ARHGAP15: variants seen among roughly 807,000 people sequenced by gnomAD.
ARHGAP15 encodes rho GTPase-activating protein 15.
Under a neutral mutation model 63.7 loss-of-function variants are expected in ARHGAP15, and 51 were observed. That is an observed-to-expected ratio of 0.80 (90% CI 0.64 to 1.01). The LOEUF is 1.01. ARHGAP15 is among the 50% of genes least tolerant of loss of function. ARHGAP15 has a pLI of 0.00. For missense variants in ARHGAP15, 560 were observed against 564.6 expected (o/e 0.99, Z 0.08); for synonymous variants, 191 against 193.8 (o/e 0.99, Z 0.12).
chr2:143,727,665 G>A (rs143530063), intron 13 of ARHGAP15, among the ~76,000 whole-genome samples: 2 of 152,170 alleles, frequency 1.3e-5, no homozygotes, highest in Non-Finnish European at 2.9e-5. Flanking sequence ...GAACGGGGCT[G>A]TTCTCCATGA....
chr2:143,438,013 C>A (rs1689688844), intron 8 of ARHGAP15, among the ~76,000 whole-genome samples: 1 of 152,118 alleles, frequency 6.6e-6, no homozygotes, highest in Non-Finnish European at 1.5e-5. Flanking sequence ...GGCAACAAAG[C>A]AAGACTCTGT....
At chr2:143,316,202 T>C (rs890064651) in intron 6 of ARHGAP15, among the ~76,000 whole-genome samples, 10 of 152,116 alleles carry the variant, frequency 6.6e-5, no homozygotes, top group Non-Finnish European at 2.9e-5. Context: ...CTAGTTTAGG[T>C]AGGAAATCAC....
intron 6 of ARHGAP15, among the ~76,000 whole-genome samples, chr2:143,427,160 A>G (rs575854656): frequency 2.0e-5 from 3 of 152,282 alleles, no homozygotes; most frequent in East Asian, 3.9e-4. Context: ...ACTCATAATC[A>G]TGGCCAAATA....
At chr2:143,737,541 A>T (rs1685791745) in intron 13 of ARHGAP15, among the ~76,000 whole-genome samples, 1 of 152,158 alleles carries the variant, frequency 6.6e-6, no homozygotes, top group Admixed American at 6.5e-5. Flanking sequence ...ATTCATTCCT[A>T]AGAAGAAAAT....
intron 12 of ARHGAP15, among the ~76,000 whole-genome samples, chr2:143,634,641 A>AAATT (rs1214581148): frequency 1.3e-5 from 2 of 152,120 alleles, no homozygotes; most frequent in African/African-American, 4.8e-5. Flanking sequence ...AAGCCATTTC[A>AAATT]AATTATTGTC....
chr2:143,358,520 AAATATGTAAAG>A (rs1685900041), intron 6 of ARHGAP15, among the ~76,000 whole-genome samples: 1 of 151,874 alleles, frequency 6.6e-6, no homozygotes, highest in African/African-American at 2.4e-5. Context: ...GATTGAAAGA[AAATATGTAAAG>A]TAAAAAAAAA....
intron 6 of ARHGAP15, among the ~76,000 whole-genome samples, chr2:143,304,981 T>C (rs1173407610): frequency 6.6e-6 from 1 of 152,124 alleles, no homozygotes; most frequent in Non-Finnish European, 1.5e-5. Context: ...ACTAGGTATA[T>C]ACCCAAAGGA....
intron 4 of ARHGAP15, among the ~76,000 whole-genome samples, chr2:143,224,407 T>C (rs1693123294): frequency 6.6e-6 from 1 of 152,162 alleles, no homozygotes; most frequent in African/African-American, 2.4e-5. Flanking sequence ...AAAAAATCTT[T>C]AATAATCACC....
chr2:143,239,990 C>CAAAAAAAAAAA (rs60960176), intron 5 of ARHGAP15, among the ~76,000 whole-genome samples: 4 of 26,468 alleles, frequency 1.5e-4, no homozygotes, highest in Non-Finnish European at 2.1e-4. Flanking sequence ...GACTCTGTCT[C>CAAAAAAAAAAA]AAAAAAAAAA....
chr2:143,303,409 G>A lies in ARHGAP15; in HGVS notation c.474+52809G>A, dbSNP rs1409522795. 3.3e-5 allele frequency among the ~76,000 whole-genome samples: 5 copies of A among 151,854 alleles called. No homozygotes were observed. The East Asian group carries it at 7.8e-4, about 24-fold the overall frequency. On this transcript the variant is annotated intron_variant, in intron 6 of 13. Transcript: ENST00000295095. ...GCCAAAAAATATATGAAACTGGCCA[G>A]CCATATGTAGAAAGCTGAAACTGGA...
At chr2:143,566,435 G>A (rs1193096483) in intron 11 of ARHGAP15, among the ~76,000 whole-genome samples, 5 of 152,088 alleles carry the variant, frequency 3.3e-5, no homozygotes, top group Non-Finnish European at 7.4e-5. Flanking sequence ...CAGTGACTAG[G>A]ACAAGTGACC....
At chr2:143,602,096 G>A (rs1172117332) in intron 11 of ARHGAP15, among the ~76,000 whole-genome samples, 1 of 152,032 alleles carries the variant, frequency 6.6e-6, no homozygotes, top group East Asian at 1.9e-4. Flanking sequence ...AAACAATATA[G>A]GTGGAGGTTT....
chr2:143,453,347 C>A (rs369744928), intron 8 of ARHGAP15, among the ~76,000 whole-genome samples: 6 of 151,938 alleles, frequency 3.9e-5, no homozygotes, highest in African/African-American at 1.4e-4. Flanking sequence ...GTCACTTAAC[C>A]TCACTAAGCT....
At chr2:143,483,457 A>G (rs1226842138) in intron 8 of ARHGAP15, among the ~76,000 whole-genome samples, 1 of 152,240 alleles carries the variant, frequency 6.6e-6, no homozygotes, top group South Asian at 2.1e-4. Context: ...TTGAGGTGAG[A>G]CCAGAAATCG....
chr2:143,259,990 G>A (rs1240060233), intron 6 of ARHGAP15, among the ~76,000 whole-genome samples: 2 of 152,032 alleles, frequency 1.3e-5, no homozygotes, highest in Non-Finnish European at 2.9e-5. Flanking sequence ...TTGGATCTAA[G>A]CATGAATTTT....
chr2:143,196,047 G>T (rs1691874357), intron 2 of ARHGAP15, among the ~76,000 whole-genome samples: 1 of 151,926 alleles, frequency 6.6e-6, no homozygotes, highest in Admixed American at 6.6e-5. Flanking sequence ...TCCTCTTTTT[G>T]GAGAAAAAGA....
At chr2:143,376,086 G>C (rs1686796648) in intron 6 of ARHGAP15, among the ~76,000 whole-genome samples, 1 of 152,148 alleles carries the variant, frequency 6.6e-6, no homozygotes, top group Admixed American at 6.6e-5. Flanking sequence ...CTGGTGTTTA[G>C]AATAATGACT....
chr2:143,758,374 G>A (rs1157789223), intron 13 of ARHGAP15, among the ~76,000 whole-genome samples: 1 of 151,744 alleles, frequency 6.6e-6, no homozygotes, highest in East Asian at 1.9e-4. Flanking sequence ...TAGTTATGAA[G>A]AAATTTGACT....
chr2:143,176,986 A>G (rs1272946329), intron 2 of ARHGAP15, among the ~76,000 whole-genome samples: 1 of 152,160 alleles, frequency 6.6e-6, no homozygotes, highest in Non-Finnish European at 1.5e-5. Context: ...CAGTGTTCCA[A>G]GAGGACCAGA....
Sources: allele counts gnomAD v4.1 joint callset (sites outside exome capture counted in the v4.1 genomes callset), GRCh38; gene constraint gnomAD v4.1.1; transcripts MANE v1.5; gene names NCBI Gene and HGNC (gene_info 2026-07-23, HGNC 2026-07-21).